The following RAB2A variants were observed in gnomAD, a reference collection of about 807,000 sequenced individuals.
RAB2A encodes the protein ras-related protein Rab-2A.
Under a neutral mutation model 32.5 loss-of-function variants are expected in RAB2A, and 7 were observed. The ratio of observed to expected loss-of-function variants is 0.22; its 90% confidence interval spans 0.12 to 0.40. The LOEUF (loss-of-function observed/expected upper bound fraction) is 0.40. Ranked by LOEUF, RAB2A falls within the 10% of genes least tolerant of loss-of-function variation. The probability of loss-of-function intolerance (pLI) is 1.00; values close to 1 mark genes in which losing one functional copy is unlikely to be tolerated. For synonymous variants in RAB2A, 79 were observed against 85.2 expected (o/e 0.93, Z 0.40); for missense variants, 108 against 260.7 (o/e 0.41, Z 4.03).
chr8:60,541,594 C>T (rs1807646314), intron 1 of RAB2A, among the ~76,000 whole-genome samples: 1 of 152,126 alleles, frequency 6.6e-6, no homozygotes, highest in Non-Finnish European at 1.5e-5. Flanking sequence ...CAGGCTGAGG[C>T]AGGAGAAGTG....
chr8:60,568,514 A>G (rs937562838), intron 2 of RAB2A, among the ~76,000 whole-genome samples: 1 of 152,158 alleles, frequency 6.6e-6, no homozygotes, highest in African/African-American at 2.4e-5. Context: ...TTAAAAAAAA[A>G]TCTCATGAGA....
At chr8:60,604,185 C>T (rs1804186180) in intron 6 of RAB2A, among the ~76,000 whole-genome samples, 1 of 152,148 alleles carries the variant, frequency 6.6e-6, no homozygotes, top group South Asian at 2.1e-4. Flanking sequence ...TGCCTCGCTC[C>T]CCCTTTGCCT....
At chr8:60,596,846 A>G (rs1267744229) in intron 6 of RAB2A, among the ~76,000 whole-genome samples, 2 of 152,260 alleles carry the variant, frequency 1.3e-5, no homozygotes, top group East Asian at 3.9e-4. Context: ...GCATGAACCC[A>G]GGAGGCGGAG....
At chr8:60,609,367 C>T (rs1804295334) in intron 6 of RAB2A, among the ~76,000 whole-genome samples, 1 of 152,216 alleles carries the variant, frequency 6.6e-6, no homozygotes, top group Non-Finnish European at 1.5e-5. Context: ...TAGACTTCTT[C>T]TTCTCCTTAT....
intron 1 of RAB2A, among the ~76,000 whole-genome samples, chr8:60,531,877 A>G (rs538912736): frequency 6.8e-6 from 1 of 146,456 alleles, no homozygotes; most frequent in South Asian, 2.1e-4. Flanking sequence ...ATCTTGGCTC[A>G]CTGCAACCTC....
At chr8:60,537,200 T>C (rs1309171904) in intron 1 of RAB2A, among the ~76,000 whole-genome samples, 1 of 152,244 alleles carries the variant, frequency 6.6e-6, no homozygotes, top group Admixed American at 6.5e-5. Context: ...AGTGTTCTTA[T>C]TCTAATCGTA....
At chr8:60,594,789 A>G (rs1337661895) in intron 6 of RAB2A, among the ~76,000 whole-genome samples, 1 of 152,170 alleles carries the variant, frequency 6.6e-6, no homozygotes, top group African/African-American at 2.4e-5. Context: ...AGCTTCATCC[A>G]TGTCTCTGCA....
At chr8:60,599,636 C>T (rs1804096822) in intron 6 of RAB2A, among the ~76,000 whole-genome samples, 1 of 152,064 alleles carries the variant, frequency 6.6e-6, no homozygotes, top group Non-Finnish European at 1.5e-5. Context: ...CAAATATGCA[C>T]AACTAATTTT....
rs898048627 is a variant in RAB2A, at chr8:60,605,426, T to C, written c.475-13154T>C. ...CCACTGGGGCACCACCTAGTGCAGC[T>C]GTGAGAAGATGACCACGTCCTCCAG... On this transcript the variant is annotated intron_variant, in intron 6 of 7. Coordinates refer to ENST00000262646, the MANE Select transcript of RAB2A (RefSeq NM_002865.3). Among the ~76,000 whole-genome samples, 6 of 152,292 alleles carry C rather than the reference T, an allele frequency of 3.9e-5. No homozygotes were observed. In the East Asian group the frequency reaches 9.7e-4, roughly 24 times the overall value.
At chr8:60,536,380 C>A (rs568254286) in intron 1 of RAB2A, among the ~76,000 whole-genome samples, 2 of 152,188 alleles carry the variant, frequency 1.3e-5, no homozygotes, top group African/African-American at 4.8e-5. Context: ...TTATAATATA[C>A]GACTTAGAGA....
intron 1 of RAB2A, among the ~76,000 whole-genome samples, chr8:60,526,734 T>C (rs1171861966): frequency 6.6e-6 from 1 of 152,166 alleles, no homozygotes; most frequent in Non-Finnish European, 1.5e-5. Flanking sequence ...CTTTGGAGGC[T>C]GAGGCGGGTG....
intron 2 of RAB2A, among the ~76,000 whole-genome samples, chr8:60,567,984 C>T (rs999174130): frequency 1.3e-5 from 2 of 152,026 alleles, no homozygotes; most frequent in African/African-American, 4.8e-5. Context: ...ATGGTGTTTG[C>T]TGTTTTGTTT....
At position 60,541,319 on chromosome 8, in the gene RAB2A, G is replaced by T. The variant is rs1180891981; in HGVS notation, c.47-17533G>T. On this transcript the variant is annotated intron_variant, in intron 1 of 7. Transcript: ENST00000262646. ...AAGGCCTGACAATTAAATGTAATAT[G>T]GTTTCTTAGATGTGATCCTGAGACA... Among the ~76,000 whole-genome samples, 4 of 152,206 alleles carry T rather than the reference G, an allele frequency of 2.6e-5. No homozygotes were observed. In the East Asian group the frequency reaches 7.7e-4, roughly 29 times the overall value.
chr8:60,570,975 A>G (rs1049480108), intron 2 of RAB2A, among the ~76,000 whole-genome samples: 1 of 151,992 alleles, frequency 6.6e-6, no homozygotes, highest in African/African-American at 2.4e-5. Flanking sequence ...TCTTCCCTTC[A>G]CCCTGACTCT....
chr8:60,579,892 G>T (rs1329576042), intron 3 of RAB2A, among the ~76,000 whole-genome samples: 1 of 152,082 alleles, frequency 6.6e-6, no homozygotes, highest in Non-Finnish European at 1.5e-5. Context: ...CTCCCAAAGT[G>T]CTGGGATTAC....
intron 1 of RAB2A, among the ~76,000 whole-genome samples, chr8:60,557,672 C>A (rs1307037207): frequency 6.6e-6 from 1 of 152,004 alleles, no homozygotes; most frequent in Non-Finnish European, 1.5e-5. Flanking sequence ...TTCAGACTAT[C>A]CTCCCACCTC....
chr8:60,535,499 T>C (rs185728500), intron 1 of RAB2A, among the ~76,000 whole-genome samples: 56 of 152,350 alleles, frequency 3.7e-4, no homozygotes, highest in East Asian at 3.3e-3. Flanking sequence ...CTTGAGTGTC[T>C]TTCTGTATCA....
chr8:60,602,070 G>A (rs1040314406), intron 6 of RAB2A, among the ~76,000 whole-genome samples: 10 of 151,526 alleles, frequency 6.6e-5, no homozygotes, highest in African/African-American at 2.4e-4. Context: ...TAGAGGCAAA[G>A]TCTTGCCATG....
At chr8:60,607,742 ACT>A (rs1804259490) in intron 6 of RAB2A, among the ~76,000 whole-genome samples, 2 of 152,180 alleles carry the variant, frequency 1.3e-5, no homozygotes, top group African/African-American at 4.8e-5. Flanking sequence ...CAGGGGTCAC[ACT>A]CTGAAGAGAT....
Sources: allele counts gnomAD v4.1 joint callset (sites outside exome capture counted in the v4.1 genomes callset), GRCh38; gene constraint gnomAD v4.1.1; transcripts MANE v1.5; gene names NCBI Gene and HGNC (gene_info 2026-07-23, HGNC 2026-07-21).